Variants in PARD3 observed in about 807,000 individuals in gnomAD.
The protein encoded by PARD3 is par-3 family cell polarity regulator, also known as partitioning defective 3 homolog.
Under a neutral mutation model 155.4 loss-of-function variants are expected in PARD3, and 75 were observed. That is an observed-to-expected ratio of 0.48 (90% CI 0.40 to 0.58). The LOEUF (loss-of-function observed/expected upper bound fraction) is 0.58, where lower values mean the gene tolerates loss of function less well. Ranked by LOEUF, PARD3 falls within the 20% of genes least tolerant of loss-of-function variation. PARD3 has a pLI of 0.00. For missense variants in PARD3, 1,642 were observed against 1,721.7 expected (o/e 0.95, Z 0.82); for synonymous variants, 576 against 610.5 (o/e 0.94, Z 0.83).
chr10:34,361,311 C>T (rs1203659618), intron 12 of PARD3, among the ~76,000 whole-genome samples: 1 of 152,198 alleles, frequency 6.6e-6, no homozygotes, highest in Non-Finnish European at 1.5e-5. Flanking sequence ...TCTTTTCCCA[C>T]GTTTGAAATA....
intron 22 of PARD3, among the ~76,000 whole-genome samples, chr10:34,244,469 G>C (rs1239583845): frequency 6.6e-6 from 1 of 152,106 alleles, no homozygotes; most frequent in Non-Finnish European, 1.5e-5. Flanking sequence ...TTTGATACCT[G>C]TTCTTGAATC....
chr10:34,631,289 A>T (rs2092256886), intron 2 of PARD3, among the ~76,000 whole-genome samples: 1 of 152,144 alleles, frequency 6.6e-6, no homozygotes, highest in East Asian at 1.9e-4. Context: ...ACAAAAACAC[A>T]ATCACATACG....
chr10:34,623,165 G>A (rs139120015), intron 2 of PARD3, among the ~76,000 whole-genome samples: 7 of 152,098 alleles, frequency 4.6e-5, no homozygotes, highest in Non-Finnish European at 7.3e-5. Context: ...GCTGGGCTTC[G>A]ACAGTCGAAA....
At chr10:34,622,078 T>C (rs2091713624) in intron 2 of PARD3, among the ~76,000 whole-genome samples, 1 of 152,208 alleles carries the variant, frequency 6.6e-6, no homozygotes, top group Non-Finnish European at 1.5e-5. Flanking sequence ...GATTACATTA[T>C]TTTACTTAAA....
At chr10:34,461,180 C>T (rs1269492697) in intron 4 of PARD3, among the ~76,000 whole-genome samples, 1 of 152,170 alleles carries the variant, frequency 6.6e-6, no homozygotes, top group Admixed American at 6.5e-5. Flanking sequence ...CAAACAGGTG[C>T]TCCAGTTGCA....
At chr10:34,184,103 C>T (rs562909327) in intron 22 of PARD3, among the ~76,000 whole-genome samples, 1 of 152,322 alleles carries the variant, frequency 6.6e-6, no homozygotes, top group South Asian at 2.1e-4. Flanking sequence ...CAGGTGTGAG[C>T]CACTGTGCTC....
At chr10:34,258,501 A>C (rs928355213) in intron 22 of PARD3, among the ~76,000 whole-genome samples, 2 of 152,120 alleles carry the variant, frequency 1.3e-5, no homozygotes, top group Admixed American at 6.5e-5. Context: ...AGAATGAAGA[A>C]TGATGAATTC....
At chr10:34,613,884 T>C (rs1419047906) in intron 2 of PARD3, among the ~76,000 whole-genome samples, 3 of 152,202 alleles carry the variant, frequency 2.0e-5, no homozygotes, top group Non-Finnish European at 4.4e-5. Context: ...TGATGTTGCA[T>C]CACAAGCTAC....
chr10:34,305,372 T>C (rs778587765), intron 20 of PARD3, among the ~76,000 whole-genome samples: 5 of 152,234 alleles, frequency 3.3e-5, no homozygotes, highest in Non-Finnish European at 7.3e-5. Context: ...AGGTTGTCTG[T>C]AAGTGGCCCA....
intron 14 of PARD3, among the ~76,000 whole-genome samples, chr10:34,350,744 T>G (rs1306152805): frequency 6.6e-6 from 1 of 152,148 alleles, no homozygotes; most frequent in Non-Finnish European, 1.5e-5. Context: ...TGCAAAAATT[T>G]TCTTGACTCC....
Position 34,372,721 on chromosome 10 carries a change from ATG to A in PARD3, c.1669-187_1669-186del, listed in dbSNP as rs797015694. The stretch of plus-strand genomic sequence containing the variant: ...CAAAATTTTGCTGATGTGTGTGTTT[ATG>A]TGTGTGTTTTAAGAAATTTTTCTAG... On this transcript the variant is annotated intron_variant, in intron 11 of 24. Coordinates refer to ENST00000374788, the MANE Select transcript of PARD3 (RefSeq NM_001184785.2). 4.0e-4 allele frequency among the ~76,000 whole-genome samples: 61 copies of A among 152,174 alleles called. No homozygotes were observed. The East Asian group carries it at 0.011, about 28-fold the overall frequency.
chr10:34,119,187 T>C (rs1212567778), intron 24 of PARD3, among the ~76,000 whole-genome samples: 2 of 152,218 alleles, frequency 1.3e-5, no homozygotes, highest in Non-Finnish European at 2.9e-5. Context: ...AACCACGGCG[T>C]ATGCAGCACT....
chr10:34,285,805 A>G (rs1956360206), intron 20 of PARD3, among the ~76,000 whole-genome samples: 1 of 152,178 alleles, frequency 6.6e-6, no homozygotes, highest in South Asian at 2.1e-4. Flanking sequence ...TATGGAAAGG[A>G]AAGTATTCTT....
rs917652313 is a variant in PARD3, at chr10:34,331,426, G to T, written c.2606-82C>A. The stretch of plus-strand genomic sequence containing the variant: ...GAATATGCACTGTCGAAAACTTCAG[G>T]TACATAACAATTATTTGCTCAATGA... On this transcript the variant is annotated intron_variant, in intron 18 of 24. Coordinates refer to ENST00000374788, the MANE Select transcript of PARD3 (RefSeq NM_001184785.2). 1.0e-5 allele frequency: 8 copies of T among 776,816 alleles called. No individual in the cohort carries two copies. In the Admixed American group the frequency reaches 1.8e-4, roughly 17 times the overall value. The allele number at this position is 776,816 out of a possible 1,614,324, so 48.1% of individuals were successfully genotyped here.
At chr10:34,235,103 AT>A in intron 22 of PARD3, among the ~76,000 whole-genome samples, 1 of 152,354 alleles carries the variant, frequency 6.6e-6, no homozygotes, top group East Asian at 1.9e-4. Context: ...TTTTTTAAAA[AT>A]ATTCTACAAT....
intron 2 of PARD3, among the ~76,000 whole-genome samples, chr10:34,607,951 G>C (rs533095610): frequency 1.3e-5 from 2 of 152,278 alleles, no homozygotes; most frequent in Admixed American, 6.5e-5. Context: ...TGTTGTCAAT[G>C]TCTTGAAATT....
chr10:34,300,796 G>C (rs962134348), intron 20 of PARD3, among the ~76,000 whole-genome samples: 1 of 152,190 alleles, frequency 6.6e-6, no homozygotes, highest in Non-Finnish European at 1.5e-5. Flanking sequence ...TTAACCCACA[G>C]ATAGCTCTAG....
intron 1 of PARD3, among the ~76,000 whole-genome samples, chr10:34,769,569 A>G (rs923072792): frequency 2.6e-5 from 4 of 151,956 alleles, no homozygotes; most frequent in Non-Finnish European, 4.4e-5. Flanking sequence ...CAGCTTGGGC[A>G]ACACGGCAAA....
At chr10:34,413,438 C>A (rs1441190624) in intron 5 of PARD3, among the ~76,000 whole-genome samples, 1 of 109,502 alleles carries the variant, frequency 9.1e-6, no homozygotes, top group East Asian at 2.7e-4. Flanking sequence ...TTTCAAGGGC[C>A]AGCTCTACCT....
Sources: gnomAD v4.1 joint callset for allele counts (sites outside exome capture counted in the v4.1 genomes callset) on GRCh38, gnomAD v4.1.1 for gene constraint, MANE v1.5 for transcripts, NCBI Gene and HGNC (gene_info 2026-07-23, HGNC 2026-07-21) for gene names.